ADAMTS19: variants seen among roughly 807,000 people sequenced by gnomAD.
ADAMTS19 encodes ADAM metallopeptidase with thrombospondin type 1 motif 19, also known as A disintegrin and metalloproteinase with thrombospondin motifs 19.
In ADAMTS19, 93 loss-of-function variants were observed where a neutral mutation model predicts 153.3. That is an observed-to-expected ratio of 0.61 (90% CI 0.51 to 0.72). The LOEUF is 0.72. Among genes scored for constraint, ADAMTS19 ranks in the 30% least tolerant of loss-of-function variants. ADAMTS19 has a pLI of 0.00. For synonymous variants in ADAMTS19, 600 were observed against 556.6 expected, an observed-to-expected ratio of 1.08 and a Z score of -1.10; for missense variants, 1,482 against 1,552.1, an observed-to-expected ratio of 0.95 and a Z score of 0.76.
At chr5:129,510,805 A>G (rs529333755) in intron 3 of ADAMTS19, among the ~76,000 whole-genome samples, 1 of 151,380 alleles carries the variant, frequency 6.6e-6, no homozygotes, top group East Asian at 2.0e-4. Flanking sequence ...AGGTTAATAA[A>G]GGATAAATAC....
At chr5:129,700,978 G>C (rs145745839) in intron 19 of ADAMTS19, among the ~76,000 whole-genome samples, 1 of 151,624 alleles carries the variant, frequency 6.6e-6, no homozygotes, top group Non-Finnish European at 1.5e-5. Context: ...GTAGTGATAC[G>C]CTTTGACTGT....
At chr5:129,482,480 C>A (rs979334893) in intron 2 of ADAMTS19, among the ~76,000 whole-genome samples, 4 of 151,976 alleles carry the variant, frequency 2.6e-5, no homozygotes, top group African/African-American at 9.7e-5. Flanking sequence ...TGTTTTTCTC[C>A]AAATTAAGGG....
At chr5:129,690,056 T>C (rs1252832736) in intron 18 of ADAMTS19, among the ~76,000 whole-genome samples, 1 of 152,226 alleles carries the variant, frequency 6.6e-6, no homozygotes, top group East Asian at 1.9e-4. Flanking sequence ...TAGAAAGCAC[T>C]GACAGCTTGA....
In ADAMTS19 at chr5:129,684,151, T is replaced by G; in HGVS notation, c.2696T>G (p.Leu899Arg). The G allele has an allele frequency of 6.2e-7, 1 of 1,614,096 alleles. No individual in the cohort carries two copies. Among genetic ancestry groups the G allele is most frequent in the Non-Finnish European group, 8.5e-7 (1 of 1,180,006 alleles). The change falls in exon 18 of 23, where the codon CTT becomes CGT. Residue 899 changes from leucine (L) to arginine (R), a missense_variant. Transcript: ENST00000274487. ...VLLFQDQNYGLHYEYTIPSDP... is the reference protein window; with the variant it reads ...VLLFQDQNYGRHYEYTIPSDP... ...CTGTTTCAGGATCAGAATTATGGTC[T>G]TCACTATGAATACACTATCCCATCA...
At chr5:129,567,827 T>A (rs979336948) in intron 7 of ADAMTS19, among the ~76,000 whole-genome samples, 2 of 151,744 alleles carry the variant, frequency 1.3e-5, no homozygotes, top group South Asian at 4.2e-4. Context: ...TCTGAGCAAC[T>A]CCACACAAGA....
In ADAMTS19 at chr5:129,701,558, G is replaced by A; in HGVS notation, c.3125G>A (p.Cys1042Tyr). ...GCCCAGCGCTGTGAGGGCCAGGACT[G>A]CATGACCGTGTGGGAGGCGGGAGTG... The part of the protein sequence containing the change: ...ASAQRCEGQD[C>Y]MTVWEAGVWS... The change falls in exon 20 of 23, where the codon TGC becomes TAC. Residue 1042 changes from cysteine (C) to tyrosine (Y), a missense_variant. By Grantham distance (194) the Cys-to-Tyr change is radical. This residue lies in a region of ADAMTS19 where 616 missense variants were observed against 724.4 expected (regional missense o/e 0.85). Transcript: ENST00000274487. The A allele has an allele frequency of 1.9e-6, 3 of 1,614,190 alleles. No individual in the cohort carries two copies. The highest frequency in any genetic ancestry group is 2.5e-6 in the Non-Finnish European group (3 of 1,180,024).
At chr5:129,504,201 A>G (rs994116796) in intron 2 of ADAMTS19, among the ~76,000 whole-genome samples, 22 of 152,290 alleles carry the variant, frequency 1.4e-4, no homozygotes, top group African/African-American at 5.3e-4. Flanking sequence ...GCCCCCACTC[A>G]TAATGCCTCC....
chr5:129,572,565 A>G (rs944516663), intron 7 of ADAMTS19, among the ~76,000 whole-genome samples: 3 of 152,046 alleles, frequency 2.0e-5, no homozygotes, highest in African/African-American at 4.8e-5. Flanking sequence ...TGGTACATCC[A>G]TACAAGGAAA....
intron 21 of ADAMTS19, among the ~76,000 whole-genome samples, chr5:129,734,660 A>T (rs1757588189): frequency 6.6e-6 from 1 of 151,968 alleles, no homozygotes; most frequent in Admixed American, 6.6e-5. Flanking sequence ...TTTCTCTTCA[A>T]GTCATACTGT....
At chr5:129,608,818 G>C (rs1751052834) in intron 8 of ADAMTS19, among the ~76,000 whole-genome samples, 1 of 139,716 alleles carries the variant, frequency 7.2e-6, no homozygotes, top group Admixed American at 7.8e-5. Flanking sequence ...CTGCACTCCA[G>C]CCTGGTCAAT....
chr5:129,526,610 A>T (rs1211336012), intron 4 of ADAMTS19, 154 bp downstream of exon 4: 1 of 667,592 alleles, frequency 1.5e-6, no homozygotes, highest in African/African-American at 1.9e-5. Context: ...TATAAAATTG[A>T]TCCATCTCAA....
chr5:129,579,732 G>A (rs527493521), intron 7 of ADAMTS19, among the ~76,000 whole-genome samples: 153 of 152,280 alleles, frequency 1.0e-3, no homozygotes, highest in Non-Finnish European at 1.8e-3. Context: ...GTTTGTCAAA[G>A]ATGAAATGGC....
chr5:129,523,977 G>A (rs1234057434), intron 3 of ADAMTS19, among the ~76,000 whole-genome samples: 2 of 152,056 alleles, frequency 1.3e-5, no homozygotes, highest in Non-Finnish European at 2.9e-5. Flanking sequence ...AATTTCATAT[G>A]GAACCAAAAA....
At chr5:129,565,986 T>G (rs1384928610) in intron 7 of ADAMTS19, among the ~76,000 whole-genome samples, 1 of 152,132 alleles carries the variant, frequency 6.6e-6, no homozygotes, top group Non-Finnish European at 1.5e-5. Flanking sequence ...TTAATACAAT[T>G]TATATTATTT....
chr5:129,678,830 T>C (rs1454166146), intron 16 of ADAMTS19, among the ~76,000 whole-genome samples: 1 of 152,152 alleles, frequency 6.6e-6, no homozygotes, highest in Non-Finnish European at 1.5e-5. Context: ...AAACATCTAA[T>C]ACTTGGAGAT....
intron 10 of ADAMTS19, among the ~76,000 whole-genome samples, chr5:129,634,370 A>G (rs1219770207): frequency 6.6e-6 from 1 of 152,196 alleles, no homozygotes; most frequent in East Asian, 1.9e-4. Context: ...AAAGCAATTT[A>G]TAGATTCACT....
intron 3 of ADAMTS19, among the ~76,000 whole-genome samples, chr5:129,520,714 G>A (rs367849439): frequency 1.6e-4 from 25 of 152,248 alleles, no homozygotes; most frequent in Non-Finnish European, 3.5e-4. Context: ...AATTGGAGTA[G>A]ATACCCATGA....
chr5:129,504,854 T>A (rs1174905459), intron 2 of ADAMTS19, among the ~76,000 whole-genome samples: 1 of 125,840 alleles, frequency 7.9e-6, no homozygotes, highest in East Asian at 2.9e-4. Flanking sequence ...TGAGTAGTAT[T>A]CTGTCTACAC....
In ADAMTS19 at chr5:129,704,432, A is replaced by G. The variant is rs373477692; in HGVS notation, c.3312+41A>G. 1.8e-5 allele frequency: 29 copies of G among 1,595,838 alleles called. No individual in the cohort carries two copies. The African/African-American group carries it at 3.9e-4, about 21-fold the overall frequency. On this transcript the variant is annotated intron_variant, in intron 21 of 22. Transcript: ENST00000274487. Reference sequence around the variant, plus strand: ...TATATTCTCAGTAATAGGTTTCAATAATGTCAGCATTGCCCTGGGTACTAT... The same window carrying G: ...TATATTCTCAGTAATAGGTTTCAATGATGTCAGCATTGCCCTGGGTACTAT...
Sources: gnomAD v4.1 joint callset for allele counts (sites outside exome capture counted in the v4.1 genomes callset) on GRCh38, gnomAD v4.1.1 for gene constraint, gnomAD v4.1.1 regional missense constraint, MANE v1.5 for transcripts, NCBI Gene and HGNC (gene_info 2026-07-23, HGNC 2026-07-21) for gene names.